IGFLR1: variants seen among roughly 807,000 people sequenced by gnomAD.
IGFLR1 encodes the protein IGF like family receptor 1, also known as IGF-like family receptor 1.
In IGFLR1, 17 loss-of-function variants were observed where a neutral mutation model predicts 23.4. The observed-to-expected ratio is 0.73, with a 90% CI of 0.50 to 1.09. The LOEUF (loss-of-function observed/expected upper bound fraction) is 1.09, where lower values mean the gene tolerates loss of function less well. Among genes scored for constraint, IGFLR1 ranks in the 50% least tolerant of loss-of-function variants. The pLI, the probability that IGFLR1 is intolerant of heterozygous loss-of-function variation, is 0.00. For missense variants in IGFLR1, 556 were observed against 459.2 expected (o/e 1.21, Z -1.93); for synonymous variants, 265 against 210.7 (o/e 1.26, Z -2.23).
At position 35,740,449 on chromosome 19, in the gene IGFLR1, G is replaced by A. The variant is rs945482683; in HGVS notation, c.273C>T (p.Pro91=). 2.5e-5 allele frequency: 40 copies of A among 1,611,992 alleles called. No individual in the cohort carries two copies. The Admixed American group carries it at 3.7e-4, about 15-fold the overall frequency. Reference sequence around the variant, plus strand: ...TAGGGGTCACGGCTCCGCCGCCGCAGGGGCTACATAGCTCCGCGCCGTCGG... The same window carrying A: ...TAGGGGTCACGGCTCCGCCGCCGCAAGGGCTACATAGCTCCGCGCCGTCGG... ...CNPDGAELCS[P]CGGGAVTPTP... is the part of the protein sequence containing the mutation. The change falls in exon 3 of 5, where the codon CCC becomes CCT. Residue 91 remains proline, a synonymous_variant. Transcript: ENST00000246532.
rs1445817967 is a variant in IGFLR1, at chr19:35,738,980, G to C, written c.*300C>G. On this transcript the variant is annotated 3_prime_UTR_variant, in exon 5 of 5. Transcript: ENST00000246532. The surrounding 1 kb of genome is among the most constrained non-coding windows in gnomAD (Gnocchi z 8.7). ...GGAAGTTCATCAGCCTCAACAGGTA[G>C]GTGAGGCCATCATTCAGAATTAGAA... The C allele has an allele frequency of 4.3e-6, 2 of 469,144 alleles. No homozygotes were observed. Among genetic ancestry groups the C allele is most frequent in the Non-Finnish European group, 7.6e-6 (2 of 263,834 alleles). 29.1% of individuals were successfully genotyped at this position (469,144 alleles called of 1,614,324 possible).
intron 1 of IGFLR1, 57 bp from the exon 2 acceptor site, chr19:35,741,280 A>G: frequency 1.3e-6 from 2 of 1,517,920 alleles, no homozygotes; most frequent in Non-Finnish European, 1.8e-6. Context: ...GGGGGAACAG[A>G]ATTCTCACGC....
At chr19:35,741,431 C>T (rs12978584) in intron 1 of IGFLR1, 3 of 540,648 alleles carry the variant, frequency 5.5e-6, no homozygotes, top group South Asian at 4.1e-5. Context: ...CTGCCGTGTC[C>T]TCACCCACCC....
rs76520998 is a variant in IGFLR1, at chr19:35,739,346, C to T, written c.1002G>A (p.Gln334=). ...SLGQLGTHLA[Q]LGRADALRVL... Reference sequence around the variant, plus strand: ...CCCGCAATGCATCTGCCCGCCCTAGCTGGGCGAGGTGTGTGCCAAGCTGGC... The same window carrying T: ...CCCGCAATGCATCTGCCCGCCCTAGTTGGGCGAGGTGTGTGCCAAGCTGGC... The change falls in exon 5 of 5, where the codon CAG becomes CAA. Residue 334 remains glutamine (Q), a synonymous_variant. Coordinates refer to ENST00000246532, the MANE Select transcript of IGFLR1 (RefSeq NM_024660.4). The T allele has an allele frequency of 5.6e-5, 90 of 1,611,202 alleles. No individual in the cohort carries two copies. In the African/African-American group the frequency reaches 1.1e-3, roughly 20 times the overall value.
Position 35,739,632 on chromosome 19 carries a change from A to G in IGFLR1, c.722-6T>C. On this transcript the variant is annotated splice_region_variant and splice_polypyrimidine_tract_variant and intron_variant, in intron 4 of 4. Transcript: ENST00000246532. Reference sequence around the variant, plus strand: ...TGACGCCAGACTGGACAGTTCTGGAAGAAAGGGGAAGGGTAAAGGTGCGGA... The same window carrying G: ...TGACGCCAGACTGGACAGTTCTGGAGGAAAGGGGAAGGGTAAAGGTGCGGA... 6.2e-7 allele frequency: 1 copy of G among 1,605,498 alleles called. No individual in the cohort carries two copies. The highest frequency in any genetic ancestry group is 8.5e-7 in the Non-Finnish European group (1 of 1,173,562).
At position 35,739,981 on chromosome 19, in the gene IGFLR1, A is replaced by AG; in HGVS notation, c.449dup (p.Glu151Ter). The AG allele has an allele frequency of 6.2e-7, 1 of 1,614,122 alleles. No homozygotes were observed. Among genetic ancestry groups the AG allele is most frequent in the Non-Finnish European group, 8.5e-7 (1 of 1,179,986 alleles). On this transcript the variant is annotated frameshift_variant, in exon 4 of 5. Coordinates refer to ENST00000246532, the MANE Select transcript of IGFLR1 (RefSeq NM_024660.4). LOFTEE classifies it high-confidence loss of function. ...GCCAGGCCTGCTGAGGGACAGGCTCAGGGGTCCTCCAGGCAATGGAACTTG... is the reference window on the plus strand; with the variant it reads ...GCCAGGCCTGCTGAGGGACAGGCTCAGGGGGTCCTCCAGGCAATGGAACTTG...
In IGFLR1 at chr19:35,740,495, C is replaced by G. The variant is rs370948405; in HGVS notation, c.227G>C (p.Cys76Ser). The G allele has an allele frequency of 1.2e-5, 20 of 1,613,114 alleles. No homozygotes were observed. The highest frequency in any genetic ancestry group is 1.7e-5 in the Non-Finnish European group (20 of 1,179,870). The stretch of plus-strand genomic sequence containing the variant: ...GTCGGGGTTGCACTGCCCAGAAGAA[C>G]ACTTTCGGAACGGGGGCGTTACGAA... The part of the protein sequence containing the change: ...GDFVTPPFRK[C>S]SSGQCNPDGA... The change falls in exon 3 of 5, where the codon TGT (cysteine) becomes TCT (serine). Residue 76 changes from cysteine to serine, a missense_variant. Physicochemically the swap from Cys to Ser is moderately radical, Grantham distance 112. Coordinates refer to ENST00000246532, the MANE Select transcript of IGFLR1 (RefSeq NM_024660.4).
rs1056210730 is a variant in IGFLR1, at chr19:35,740,392, C to A, written c.330G>T (p.Trp110Cys). The A allele has an allele frequency of 8.1e-6, 13 of 1,599,108 alleles. No homozygotes were observed. Among genetic ancestry groups the A allele is most frequent in the Non-Finnish European group, 1.1e-5 (13 of 1,173,922 alleles). ...TPAAGGGRTP[W>C]RCRERPVPAK... ...GTCCCATCTGCACCTCTCTGCAGCG[C>A]CACGGGGTTCTGCCCCCGCCCGCGG... The change falls in exon 3 of 5, where the codon TGG (tryptophan) becomes TGT (cysteine). Residue 110 changes from tryptophan to cysteine, a missense_variant. By Grantham distance (215) the Trp-to-Cys change is radical. Transcript: ENST00000246532.
At position 35,738,857 on chromosome 19, in the gene IGFLR1, A is replaced by G. The variant is rs1970026512; in HGVS notation, c.*423T>C. On this transcript the variant is annotated 3_prime_UTR_variant, in exon 5 of 5. Transcript: ENST00000246532. This position sits in a 1 kb window ranked among gnomAD's most constrained non-coding sequence, Gnocchi z 8.7. The stretch of plus-strand genomic sequence containing the variant: ...GGTCCCAGGTGGGAACCCCCCCACA[A>G]TAAAGTCTGTCAATGTTTGGAGAGG... The G allele has an allele frequency of 4.1e-6, 2 of 484,322 alleles. No homozygotes were observed. The highest frequency in any genetic ancestry group is 3.0e-5 in the South Asian group (1 of 33,792). 30.0% of individuals were successfully genotyped at this position (484,322 alleles called of 1,614,324 possible).
Position 35,741,008 on chromosome 19 carries a change from G to A in IGFLR1, c.157+16C>T, listed in dbSNP as rs1225344214. 1.2e-6 allele frequency: 2 copies of A among 1,610,144 alleles called. No homozygotes were observed. The highest frequency in any genetic ancestry group is 1.7e-6 in the Non-Finnish European group (2 of 1,178,764). The stretch of plus-strand genomic sequence containing the variant: ...TGCAAGCTCCGCCCAAGCAAGGCTC[G>A]GTCTCGGATTCTCACCCGGGCAGGG... On this transcript the variant is annotated intron_variant, in intron 2 of 4. Transcript: ENST00000246532.
Position 35,739,478 on chromosome 19 carries a change from C to A in IGFLR1, c.870G>T (p.Gly290=). 3.1e-6 allele frequency: 5 copies of A among 1,613,982 alleles called. No homozygotes were observed. Among genetic ancestry groups the A allele is most frequent in the Non-Finnish European group, 3.4e-6 (4 of 1,179,992 alleles). The change falls in exon 5 of 5, where the codon GGG becomes GGT. Residue 290 remains glycine (G), a synonymous_variant. Transcript: ENST00000246532. ...CAAAGGTGGACCAGGCAGCAGGCAG[C>A]CCATATCTTGCGGCCAGGTGTCGAG... The part of the protein sequence containing the change: ...GTTRHLAARY[G]LPAAWSTFAY...
chr19:35,740,404 GCCC>G lies in IGFLR1; in HGVS notation c.315_317del (p.Gly106del). On this transcript the variant is annotated inframe_deletion, in exon 3 of 5. Coordinates refer to ENST00000246532, the MANE Select transcript of IGFLR1 (RefSeq NM_024660.4). ...CCTCTCTGCAGCGCCACGGGGTTCT[GCCC>G]CCGCCCGCGGCGGGAGTAGGGGTCA... 6.2e-7 allele frequency: 1 copy of G among 1,604,972 alleles called. No homozygotes were observed. The highest frequency in any genetic ancestry group is 1.1e-5 in the South Asian group (1 of 90,416).
intron 1 of IGFLR1, 66 bp downstream of exon 1, chr19:35,742,330 C>A (rs903353753): frequency 1.1e-5 from 15 of 1,326,018 alleles, no homozygotes; most frequent in South Asian, 9.7e-5. Context: ...GTCTCTCCCC[C>A]TTGAATAAGC....
At chr19:35,740,999 G>A in intron 2 of IGFLR1, 25 bp downstream of exon 2, 7 of 1,607,800 alleles carry the variant, frequency 4.4e-6, no homozygotes, top group Non-Finnish European at 5.9e-6. Flanking sequence ...CTCCGCCCAA[G>A]CAAGGCTCGG....
At position 35,739,128 on chromosome 19, in the gene IGFLR1, G is replaced by T. The variant is rs1970042872; in HGVS notation, c.*152C>A. The T allele has an allele frequency of 1.3e-6, 1 of 755,902 alleles. No individual in the cohort carries two copies. Among genetic ancestry groups the T allele is most frequent in the Non-Finnish European group, 2.1e-6 (1 of 477,480 alleles). 46.8% of individuals were successfully genotyped at this position (755,902 alleles called of 1,614,324 possible). A position where few individuals can be genotyped will look rare whatever the true frequency, so the allele number is the denominator to read the frequency against. On this transcript the variant is annotated 3_prime_UTR_variant, in exon 5 of 5. Transcript: ENST00000246532. ...ACCTGGGGTCAGCCCTCCCACATGT[G>T]GCCCTGTGTGTATGTTGGAATAGGC... is the stretch of plus-strand genomic sequence containing the variant.
rs770741596 is a variant in IGFLR1, at chr19:35,741,188, G to A, written c.-8C>T. ...GCATCGTCCAGGCCCCATCTGGGGG[G>A]CCGTGATAGCGGGACTTCCAAACAC... On this transcript the variant is annotated 5_prime_UTR_variant, in exon 2 of 5. Transcript: ENST00000246532. 5.0e-6 allele frequency: 8 copies of A among 1,610,310 alleles called. No individual in the cohort carries two copies. The East Asian group carries it at 1.8e-4, about 36-fold the overall frequency.
chr19:35,739,603 G>T lies in IGFLR1; in HGVS notation c.745C>A (p.Pro249Thr). ...AGCTCATCCAGGAGGCGAGACAGGG[G>T]TTGTGACGCCAGACTGGACAGTTCT... is the stretch of plus-strand genomic sequence containing the variant. ...SRELSSLASQ[P>T]LSRLLDELEV... Residue 249 changes from proline to threonine, a missense_variant, in exon 5 of 5, where the codon CCC becomes ACC. Transcript: ENST00000246532. 1 of 1,613,308 alleles carries T rather than the reference G, an allele frequency of 6.2e-7. No homozygotes were observed. The highest frequency in any genetic ancestry group is 8.5e-7 in the Non-Finnish European group (1 of 1,179,382).
intron 1 of IGFLR1, chr19:35,741,671 A>AC (rs904195956): frequency 3.2e-5 from 5 of 156,438 alleles, no homozygotes; most frequent in Non-Finnish European, 7.1e-5. Context: ...AAAAAAAAAA[A>AC]AAAAAAAAAA....
In IGFLR1 at chr19:35,739,499, T is replaced by A; in HGVS notation, c.849A>T (p.Arg283=). ...GCAGCCCATATCTTGCGGCCAGGTG[T>A]CGAGTAGTGCCATGGGCCATACCCC... ...PGGGMAHGTT[R]HLAARYGLPA... is the part of the protein sequence containing the mutation. Residue 283 remains arginine, a synonymous_variant, in exon 5 of 5, where the codon CGA becomes CGT. Transcript: ENST00000246532. 1 of 1,613,926 alleles carries A rather than the reference T, an allele frequency of 6.2e-7. No homozygotes were observed. The highest frequency in any genetic ancestry group is 2.2e-5 in the East Asian group (1 of 44,870).
Sources: allele counts gnomAD v4.1 joint callset, GRCh38; gene constraint gnomAD v4.1.1; non-coding constraint Gnocchi (gnomAD v3.1); transcripts MANE v1.5; gene names NCBI Gene and HGNC (gene_info 2026-07-23, HGNC 2026-07-21).